Variants in GPR137C observed in about 807,000 individuals in gnomAD.
The protein encoded by GPR137C is G protein-coupled receptor 137C, also known as integral membrane protein GPR137C.
Under a neutral mutation model 43.4 loss-of-function variants are expected in GPR137C, and 27 were observed. The ratio of observed to expected loss-of-function variants is 0.62; its 90% confidence interval spans 0.46 to 0.86. The LOEUF (loss-of-function observed/expected upper bound fraction) is 0.86, where lower values mean the gene tolerates loss of function less well. Among genes scored for constraint, GPR137C ranks in the 40% least tolerant of loss-of-function variants. GPR137C has a pLI of 0.00. For synonymous variants in GPR137C, 285 were observed against 226.9 expected, an observed-to-expected ratio of 1.26 and a Z score of -2.30; for missense variants, 522 against 534.6, an observed-to-expected ratio of 0.98 and a Z score of 0.23.
intron 1 of GPR137C, among the ~76,000 whole-genome samples, chr14:52,571,459 A>T (rs10150961): frequency 1.3e-5 from 2 of 151,872 alleles, no homozygotes; most frequent in South Asian, 2.1e-4. Flanking sequence ...TGGATCATGA[A>T]GTCAGGAGTT....
At chr14:52,573,353 T>C (rs909061846) in intron 1 of GPR137C, among the ~76,000 whole-genome samples, 8 of 152,334 alleles carry the variant, frequency 5.3e-5, no homozygotes, top group Middle Eastern at 3.4e-3. Flanking sequence ...CAAAACAGCA[T>C]GGTACTTATA....
chr14:52,610,964 A>C (rs1566620921), intron 3 of GPR137C, among the ~76,000 whole-genome samples: 1 of 152,138 alleles, frequency 6.6e-6, no homozygotes, highest in Non-Finnish European at 1.5e-5. Context: ...ATAGGTTTTA[A>C]TTTACATGGA....
intron 1 of GPR137C, among the ~76,000 whole-genome samples, chr14:52,576,755 A>G (rs2038559023): frequency 1.3e-5 from 2 of 152,230 alleles, no homozygotes; most frequent in African/African-American, 4.8e-5. Flanking sequence ...CTACCTGCAC[A>G]TGGAACATTC....
intron 3 of GPR137C, among the ~76,000 whole-genome samples, chr14:52,626,102 G>A (rs2039224118): frequency 2.0e-5 from 3 of 151,778 alleles, no homozygotes. Context: ...ATAAATAATC[G>A]AGATGATTTA....
At chr14:52,605,212 G>T (rs915588194) in intron 3 of GPR137C, among the ~76,000 whole-genome samples, 13 of 151,870 alleles carry the variant, frequency 8.6e-5, no homozygotes, top group Non-Finnish European at 1.5e-5. Context: ...TCCATTTTTT[G>T]TGTCCTCTTC....
chr14:52,604,382 T>C (rs1271172041), intron 3 of GPR137C, among the ~76,000 whole-genome samples: 1 of 152,094 alleles, frequency 6.6e-6, no homozygotes, highest in Non-Finnish European at 1.5e-5. Context: ...TCTAGTACTT[T>C]CATAGTTTCA....
rs751182137 is a variant in GPR137C, at chr14:52,553,399, C to T, written c.252C>T (p.Leu84=). Residue 84 remains leucine (L), a synonymous_variant, in exon 1 of 7, where the codon CTC becomes CTT. Transcript: ENST00000321662. The part of the protein sequence containing the change: ...YRERRLSYQS[L]CLFLCLLWAA... The stretch of plus-strand genomic sequence containing the variant: ...AGCGGCGGCTGAGTTACCAGAGCCT[C>T]TGCCTCTTCCTCTGTCTCCTGTGGG... 30 of 1,607,844 alleles carry T rather than the reference C, an allele frequency of 1.9e-5. No homozygotes were observed. Among genetic ancestry groups the T allele is most frequent in the Middle Eastern group, 3.3e-4 (2 of 6,080 alleles).
intron 3 of GPR137C, among the ~76,000 whole-genome samples, chr14:52,624,192 C>A (rs1473909668): frequency 2.8e-5 from 4 of 141,368 alleles, no homozygotes; most frequent in Admixed American, 7.2e-5. Flanking sequence ...TAGGTGTGAG[C>A]ACAATTCTAA....
chr14:52,595,628 A>G (rs1422566690), intron 1 of GPR137C, among the ~76,000 whole-genome samples: 2 of 152,128 alleles, frequency 1.3e-5, no homozygotes, highest in Non-Finnish European at 2.9e-5. Flanking sequence ...AAGCTTGTGC[A>G]TGCATCACGA....
At chr14:52,630,940 A>G (rs1173075289) in intron 3 of GPR137C, among the ~76,000 whole-genome samples, 1 of 152,198 alleles carries the variant, frequency 6.6e-6, no homozygotes, top group Non-Finnish European at 1.5e-5. Flanking sequence ...TGGGGCAGCT[A>G]TAAATGCAGA....
At chr14:52,607,923 T>C (rs1478520527) in intron 3 of GPR137C, among the ~76,000 whole-genome samples, 2 of 152,168 alleles carry the variant, frequency 1.3e-5, no homozygotes, top group East Asian at 3.9e-4. Flanking sequence ...GATATGAATA[T>C]AGCTCTTCCT....
In GPR137C at chr14:52,633,837, G is replaced by A. The variant is rs1043914414; in HGVS notation, c.1003G>A (p.Gly335Ser). 16 of 1,609,884 alleles carry A rather than the reference G, an allele frequency of 9.9e-6. No homozygotes were observed. Among genetic ancestry groups the A allele is most frequent in the African/African-American group, 2.7e-5 (2 of 74,744 alleles). The change falls in exon 6 of 7, where the codon GGC becomes AGC. Residue 335 changes from glycine (G) to serine (S), a missense_variant. Physicochemically the swap from Gly to Ser is moderately conservative, Grantham distance 56. Coordinates refer to ENST00000321662, the MANE Select transcript of GPR137C (RefSeq NM_001099652.2). ...AATACTTTGTTCACAGGCACCTGCTGGCATGATAAATAGTCACAGTTATAG... is the reference window on the plus strand; with the variant it reads ...AATACTTTGTTCACAGGCACCTGCTAGCATGATAAATAGTCACAGTTATAG... ...QRLNQNLAPA[G>S]MINSHSYSSR...
chr14:52,564,274 CAAAA>C (rs34302766), intron 1 of GPR137C, among the ~76,000 whole-genome samples: 2 of 93,252 alleles, frequency 2.1e-5, no homozygotes, highest in Non-Finnish European at 2.2e-5. Flanking sequence ...GACTTCGTCT[CAAAA>C]AAAAAAAAAA....
chr14:52,571,733 C>T (rs998912111), intron 1 of GPR137C, among the ~76,000 whole-genome samples: 1 of 151,624 alleles, frequency 6.6e-6, no homozygotes, highest in African/African-American at 2.4e-5. Flanking sequence ...TAGCAGAAGA[C>T]AAGAAATAAC....
chr14:52,587,588 T>C (rs889231000), intron 1 of GPR137C, among the ~76,000 whole-genome samples: 2 of 152,162 alleles, frequency 1.3e-5, no homozygotes, highest in African/African-American at 4.8e-5. Context: ...CTGGCCAGCA[T>C]GGTGAAACCC....
chr14:52,570,885 TAGTG>T (rs1712805812), intron 1 of GPR137C, among the ~76,000 whole-genome samples: 1 of 152,154 alleles, frequency 6.6e-6, no homozygotes, highest in African/African-American at 2.4e-5. Context: ...CACACAATAA[TAGTG>T]GGAGACTTTA....
At chr14:52,588,873 G>T (rs1315073520) in intron 1 of GPR137C, among the ~76,000 whole-genome samples, 1 of 152,056 alleles carries the variant, frequency 6.6e-6, no homozygotes, top group Non-Finnish European at 1.5e-5. Flanking sequence ...AGTACTTAGG[G>T]CAAAGTAGTG....
chr14:52,610,298 T>C (rs2039024956), intron 3 of GPR137C, among the ~76,000 whole-genome samples: 1 of 152,218 alleles, frequency 6.6e-6, no homozygotes, highest in Admixed American at 6.5e-5. Context: ...TTATTCATTT[T>C]TCAGTCCTTT....
intron 2 of GPR137C, among the ~76,000 whole-genome samples, chr14:52,598,615 C>T (rs2038885869): frequency 6.6e-6 from 1 of 152,098 alleles, no homozygotes; most frequent in African/African-American, 2.4e-5. Context: ...ATAGGGTCCA[C>T]TTTTGCCAAA....
Sources: allele counts gnomAD v4.1 joint callset (sites outside exome capture counted in the v4.1 genomes callset), GRCh38; gene constraint gnomAD v4.1.1; transcripts MANE v1.5; gene names NCBI Gene and HGNC (gene_info 2026-07-23, HGNC 2026-07-21).